KCNH8: variants seen among roughly 807,000 people sequenced by gnomAD.
The protein encoded by KCNH8 is potassium voltage-gated channel subfamily H member 8, also known as voltage-gated delayed rectifier potassium channel KCNH8.
Under a neutral mutation model 103.6 loss-of-function variants are expected in KCNH8, and 70 were observed. That is an observed-to-expected ratio of 0.68 (90% CI 0.56 to 0.82). The LOEUF (loss-of-function observed/expected upper bound fraction) is 0.82. Ranked by LOEUF, KCNH8 falls within the 40% of genes least tolerant of loss-of-function variation. KCNH8 has a pLI of 0.00. For synonymous variants in KCNH8, 498 were observed against 489.4 expected, an observed-to-expected ratio of 1.02 and a Z score of -0.23; for missense variants, 1,217 against 1,329.9, an observed-to-expected ratio of 0.92 and a Z score of 1.32.
intron 7 of KCNH8, among the ~76,000 whole-genome samples, chr3:19,400,054 C>T (rs1459465346): frequency 6.6e-6 from 1 of 151,476 alleles, no homozygotes; most frequent in Non-Finnish European, 1.5e-5. Context: ...ATTCACAGTG[C>T]CTGAGGGAAG....
At chr3:19,485,591 GTCT>G (rs1292892743) in intron 11 of KCNH8, among the ~76,000 whole-genome samples, 1 of 152,196 alleles carries the variant, frequency 6.6e-6, no homozygotes, top group Admixed American at 6.5e-5. Flanking sequence ...CTATCTGGCA[GTCT>G]GATCTATCCT....
chr3:19,517,976 C>G, intron 14 of KCNH8, 22 bp from the exon 15 acceptor site: 1 of 1,596,644 alleles, frequency 6.3e-7, no homozygotes, highest in African/African-American at 1.3e-5. Flanking sequence ...AGGACTCATT[C>G]TGTATGTGTG....
intron 11 of KCNH8, among the ~76,000 whole-genome samples, chr3:19,471,352 G>A (rs1209773178): frequency 6.6e-6 from 1 of 152,138 alleles, no homozygotes; most frequent in Non-Finnish European, 1.5e-5. Context: ...CTGCTCTACG[G>A]TTACTTGGCA....
intron 1 of KCNH8, among the ~76,000 whole-genome samples, chr3:19,193,346 A>G (rs142801154): frequency 6.6e-6 from 1 of 151,672 alleles, no homozygotes; most frequent in Non-Finnish European, 1.5e-5. Flanking sequence ...CTCCATGGAT[A>G]CTAATATTTC....
intron 1 of KCNH8, among the ~76,000 whole-genome samples, chr3:19,181,628 T>C (rs763495593): frequency 1.3e-5 from 2 of 152,122 alleles, no homozygotes; most frequent in Non-Finnish European, 2.9e-5. Flanking sequence ...AAATTGTAAA[T>C]TTCCAAAATT....
intron 11 of KCNH8, among the ~76,000 whole-genome samples, chr3:19,480,757 T>C (rs950704989): frequency 6.6e-6 from 1 of 152,236 alleles, no homozygotes; most frequent in African/African-American, 2.4e-5. Flanking sequence ...GTTGTGAATT[T>C]GTTTTGCTTT....
chr3:19,422,212 A>G (rs2066961445), intron 7 of KCNH8, among the ~76,000 whole-genome samples: 1 of 152,132 alleles, frequency 6.6e-6, no homozygotes, highest in African/African-American at 2.4e-5. Flanking sequence ...CTTAGTTTCT[A>G]TCTACATGTA....
intron 1 of KCNH8, among the ~76,000 whole-genome samples, chr3:19,240,719 CTG>C (rs1169217953): frequency 6.6e-6 from 1 of 152,012 alleles, no homozygotes; most frequent in Non-Finnish European, 1.5e-5. Flanking sequence ...TAAGACCAAA[CTG>C]TCAAAATCAC....
At chr3:19,214,893 G>A (rs1227171508) in intron 1 of KCNH8, among the ~76,000 whole-genome samples, 3 of 152,184 alleles carry the variant, frequency 2.0e-5, no homozygotes, top group African/African-American at 7.2e-5. Context: ...TGTCTTCCAT[G>A]CTGAGCCACC....
intron 3 of KCNH8, among the ~76,000 whole-genome samples, chr3:19,302,157 A>G (rs2065071538): frequency 6.6e-6 from 1 of 152,102 alleles, no homozygotes; most frequent in Non-Finnish European, 1.5e-5. Flanking sequence ...GAAGGTTCCA[A>G]CCCTCCAATC....
At chr3:19,389,000 A>C (rs2066396386) in intron 5 of KCNH8, among the ~76,000 whole-genome samples, 1 of 152,178 alleles carries the variant, frequency 6.6e-6, no homozygotes, top group Non-Finnish European at 1.5e-5. Context: ...TAAAGGACTT[A>C]GAACTGTACT....
intron 1 of KCNH8, among the ~76,000 whole-genome samples, chr3:19,237,335 G>A (rs1470864787): frequency 6.6e-6 from 1 of 152,202 alleles, no homozygotes; most frequent in African/African-American, 2.4e-5. Context: ...AGGGCTCATG[G>A]CTTGGTGAAC....
intron 4 of KCNH8, among the ~76,000 whole-genome samples, chr3:19,344,739 GT>G (rs2065706925): frequency 6.6e-6 from 1 of 152,084 alleles, no homozygotes; most frequent in African/African-American, 2.4e-5. Context: ...AATTCTGGCT[GT>G]AATAACATTT....
chr3:19,340,045 G>C (rs1470672031), intron 3 of KCNH8, among the ~76,000 whole-genome samples: 2 of 151,982 alleles, frequency 1.3e-5, no homozygotes, highest in Non-Finnish European at 2.9e-5. Flanking sequence ...TGTGTTATTA[G>C]ACCTTCAGTT....
chr3:19,499,220 C>T (rs543248385), intron 11 of KCNH8, among the ~76,000 whole-genome samples: 31 of 151,962 alleles, frequency 2.0e-4, no homozygotes, highest in Non-Finnish European at 4.0e-4. Context: ...TGAAATGAAG[C>T]GAGAAGGGAA....
At chr3:19,362,667 GTTGT>G (rs369369718) in intron 5 of KCNH8, among the ~76,000 whole-genome samples, 183 of 152,142 alleles carry the variant, frequency 1.2e-3, no homozygotes, top group African/African-American at 3.9e-3. Flanking sequence ...GTTTTTGTTT[GTTGT>G]TTGTTTGTTT....
chr3:19,386,000 T>C (rs955367972), intron 5 of KCNH8, among the ~76,000 whole-genome samples: 3 of 152,168 alleles, frequency 2.0e-5, no homozygotes, highest in Non-Finnish European at 4.4e-5. Context: ...TAAAATTATT[T>C]CCCATTTGTC....
intron 3 of KCNH8, among the ~76,000 whole-genome samples, chr3:19,286,173 T>C (rs982248287): frequency 6.6e-6 from 1 of 152,162 alleles, no homozygotes; most frequent in Non-Finnish European, 1.5e-5. Flanking sequence ...ACGAGATCTT[T>C]TGGGACCCTC....
In KCNH8 at chr3:19,533,705, A is replaced by G; in HGVS notation, c.2930A>G (p.Glu977Gly). ...GSSPQRTGAH[E>G]QNPADSELYH... ...AGCCCCCAACGAACTGGAGCTCATGAGCAAAATCCTGCAGACAGTGAACTT... is the reference window on the plus strand; with the variant it reads ...AGCCCCCAACGAACTGGAGCTCATGGGCAAAATCCTGCAGACAGTGAACTT... Residue 977 changes from glutamate (E) to glycine (G), a missense_variant, in exon 16 of 16, where the codon GAG becomes GGG. Around this residue, in one of 3 missense-constraint regions of KCNH8, gnomAD observed 558 missense variants for 495.8 expected, o/e 1.13. Coordinates refer to ENST00000328405, the MANE Select transcript of KCNH8 (RefSeq NM_144633.3). The G allele has an allele frequency of 6.2e-7, 1 of 1,614,160 alleles. No homozygotes were observed. The highest frequency in any genetic ancestry group is 8.5e-7 in the Non-Finnish European group (1 of 1,180,010).
Sources: gnomAD v4.1 joint callset for allele counts (sites outside exome capture counted in the v4.1 genomes callset) on GRCh38, gnomAD v4.1.1 for gene constraint, gnomAD v4.1.1 regional missense constraint, MANE v1.5 for transcripts, NCBI Gene and HGNC (gene_info 2026-07-23, HGNC 2026-07-21) for gene names.